The following TYW1 variants were observed in gnomAD, a reference collection of about 807,000 sequenced individuals.
TYW1 encodes tRNA-yW synthesizing protein 1 homolog, also known as S-adenosyl-L-methionine-dependent tRNA 4-demethylwyosine synthase TYW1.
Under a neutral mutation model 96.2 loss-of-function variants are expected in TYW1, and 46 were observed. The ratio of observed to expected loss-of-function variants is 0.48; its 90% CI spans 0.38 to 0.61. The LOEUF (loss-of-function observed/expected upper bound fraction) is 0.61, where lower values mean the gene tolerates loss of function less well. Ranked by LOEUF, TYW1 falls within the 20% of genes least tolerant of loss-of-function variation. The pLI, the probability that TYW1 is intolerant of heterozygous loss-of-function variation, is 0.00. For missense variants in TYW1, 684 were observed against 909.6 expected (o/e 0.75, Z 3.19); for synonymous variants, 274 against 323.0 (o/e 0.85, Z 1.63).
At chr7:67,098,325 T>C (rs890870662) in intron 11 of TYW1, among the ~76,000 whole-genome samples, 1 of 152,270 alleles carries the variant, frequency 6.6e-6, no homozygotes, top group African/African-American at 2.4e-5. Context: ...TTTGTATTGA[T>C]GTAGTTTAAC....
intron 13 of TYW1, among the ~76,000 whole-genome samples, chr7:67,158,059 T>C (rs10234596): frequency 0.26 from 38,481 of 150,058 alleles, 5,457 homozygotes; most frequent in African/African-American, 0.37. Context: ...GGGAAGTTCC[T>C]CTTAATTCCT....
chr7:67,175,020 C>T (rs3980766), intron 13 of TYW1, among the ~76,000 whole-genome samples: 22,753 of 150,936 alleles, frequency 0.15, 1,577 homozygotes, highest in African/African-American at 0.2. Context: ...TTTAAAACCT[C>T]GTCCAAAGGA....
chr7:67,178,108 G>A (rs1319853459), intron 13 of TYW1, among the ~76,000 whole-genome samples: 1 of 151,940 alleles, frequency 6.6e-6, no homozygotes, highest in Non-Finnish European at 1.5e-5. Context: ...AGGCTGGAGT[G>A]GGCCATGCTT....
At chr7:67,101,920 A>T (rs566325110) in intron 12 of TYW1, among the ~76,000 whole-genome samples, 25 of 152,336 alleles carry the variant, frequency 1.6e-4, no homozygotes, top group Middle Eastern at 3.4e-3. Context: ...GTTGTATAAA[A>T]AGGTGAAGTT....
chr7:67,148,183 G>A (rs1020211193), intron 13 of TYW1, among the ~76,000 whole-genome samples: 2 of 152,006 alleles, frequency 1.3e-5, no homozygotes, highest in South Asian at 2.1e-4. Flanking sequence ...ACATGGACAT[G>A]TAGGTAGAGA....
At chr7:67,138,511 A>G (rs1368792236) in intron 13 of TYW1, among the ~76,000 whole-genome samples, 1 of 152,134 alleles carries the variant, frequency 6.6e-6, no homozygotes, top group Non-Finnish European at 1.5e-5. Flanking sequence ...TTTTAAATGT[A>G]CAATTAAATT....
chr7:67,093,611 C>T (rs1037542459), intron 11 of TYW1, among the ~76,000 whole-genome samples: 11 of 152,052 alleles, frequency 7.2e-5, no homozygotes, highest in Non-Finnish European at 8.8e-5. Context: ...GTCTTGGCAA[C>T]GTAGAATGAG....
At chr7:67,184,738 C>T (rs1376164303) in intron 14 of TYW1, among the ~76,000 whole-genome samples, 4 of 149,742 alleles carry the variant, frequency 2.7e-5, no homozygotes, top group South Asian at 2.1e-4. Flanking sequence ...GATGAAGTCT[C>T]GCTCTGTCAC....
chr7:67,117,942 C>T (rs926781491), intron 13 of TYW1, among the ~76,000 whole-genome samples: 3 of 152,122 alleles, frequency 2.0e-5, no homozygotes, highest in South Asian at 2.1e-4. Flanking sequence ...AACCAATTCC[C>T]CATAGATACC....
intron 7 of TYW1, among the ~76,000 whole-genome samples, chr7:67,038,701 C>T (rs1230718775): frequency 2.0e-5 from 3 of 151,996 alleles, no homozygotes; most frequent in Non-Finnish European, 4.4e-5. Flanking sequence ...GTCAGGAGTT[C>T]GAAACCAACC....
chr7:67,172,447 G>A (rs1354805674), intron 13 of TYW1, among the ~76,000 whole-genome samples: 5 of 123,152 alleles, frequency 4.1e-5, no homozygotes, highest in Admixed American at 8.0e-5. Flanking sequence ...TTGAGATGGA[G>A]TCTCACTCTG....
At chr7:67,175,607 TTATTC>T (rs1459856727) in intron 13 of TYW1, among the ~76,000 whole-genome samples, 5 of 152,212 alleles carry the variant, frequency 3.3e-5, no homozygotes, top group African/African-American at 9.7e-5. Flanking sequence ...AAAATTGGCT[TTATTC>T]TAAGAATGCG....
At chr7:67,158,736 A>G (rs1799065451) in intron 13 of TYW1, among the ~76,000 whole-genome samples, 1 of 151,650 alleles carries the variant, frequency 6.6e-6, no homozygotes, top group Admixed American at 6.6e-5. Context: ...CGCCTGGCTA[A>G]TTTTTTTGTA....
chr7:67,052,436 C>T (rs528056301), intron 8 of TYW1, among the ~76,000 whole-genome samples: 24 of 152,056 alleles, frequency 1.6e-4, no homozygotes, highest in Non-Finnish European at 2.9e-4. Flanking sequence ...TCTCATGTTC[C>T]GTTAATCCTA....
At chr7:67,225,973 T>A (rs1801549009) in intron 15 of TYW1, among the ~76,000 whole-genome samples, 2 of 150,880 alleles carry the variant, frequency 1.3e-5, no homozygotes, top group African/African-American at 4.9e-5. Flanking sequence ...GATCTCTGCC[T>A]CTTCTTACCC....
At chr7:67,144,944 C>T (rs942583307) in intron 13 of TYW1, among the ~76,000 whole-genome samples, 3 of 151,396 alleles carry the variant, frequency 2.0e-5, no homozygotes, top group African/African-American at 4.9e-5. Context: ...TACAATCAGT[C>T]GATGGTGAGA....
intron 14 of TYW1, 23 bp downstream of exon 14, chr7:67,183,259 G>A (rs1799898220): frequency 6.3e-7 from 1 of 1,581,836 alleles, no homozygotes; most frequent in East Asian, 2.3e-5. Context: ...TGACTCTGGT[G>A]GCTGTGGTGG....
At chr7:67,169,397 C>T (rs1799449864) in intron 13 of TYW1, among the ~76,000 whole-genome samples, 1 of 151,918 alleles carries the variant, frequency 6.6e-6, no homozygotes, top group Non-Finnish European at 1.5e-5. Flanking sequence ...TAGCATGAAT[C>T]AGAACTTCAT....
intron 6 of TYW1, among the ~76,000 whole-genome samples, chr7:67,023,096 T>C (rs986487395): frequency 6.6e-6 from 1 of 152,156 alleles, no homozygotes; most frequent in Non-Finnish European, 1.5e-5. Context: ...TAATTTAATT[T>C]TTTTCTTTTC....
Sources: allele counts gnomAD v4.1 joint callset (sites outside exome capture counted in the v4.1 genomes callset), GRCh38; gene constraint gnomAD v4.1.1; transcripts MANE v1.5; gene names NCBI Gene and HGNC (gene_info 2026-07-23, HGNC 2026-07-21).